Variants in DST observed in about 807,000 individuals in gnomAD.
DST encodes dystonin, also known as bullous pemphigoid antigen.
A neutral mutation model predicts 875.2 loss-of-function variants in DST; 253 were observed. The ratio of observed to expected loss-of-function variants is 0.29; its 90% CI spans 0.26 to 0.32. The LOEUF (loss-of-function observed/expected upper bound fraction) is 0.32, where lower values mean the gene tolerates loss of function less well. DST is among the 10% of genes least tolerant of loss of function. The probability of loss-of-function intolerance (pLI) is 1.00; values close to 1 mark genes in which losing one functional copy is unlikely to be tolerated. For missense variants in DST, 8,287 were observed against 9,111.6 expected, an observed-to-expected ratio of 0.91 and a Z score of 3.68; for synonymous variants, 3,124 against 3,197.1, an observed-to-expected ratio of 0.98 and a Z score of 0.77.
rs150452358 is a variant in DST at position 56,489,121 on chromosome 6, C to T, written c.20877+369G>A. ...CTATTACTTTTTACTACAGAATTAC[C>T]TTCAAGGTGCTATTTTGTCTGTCAA... On this transcript the variant is annotated intron_variant, in intron 86 of 103. Coordinates refer to ENST00000680361, the MANE Select transcript of DST (RefSeq NM_001374736.1). Among the ~76,000 whole-genome samples the T allele has an allele frequency of 6.6e-3, 1,008 of 152,272 alleles. 7 individuals are homozygous for T. Among genetic ancestry groups the T allele is most frequent in the African/African-American group, 0.023 (973 of 41,564 alleles).
intron 10 of DST, among the ~76,000 whole-genome samples, chr6:56,668,746 C>T (rs2099084677): frequency 6.6e-6 from 1 of 151,268 alleles, no homozygotes; most frequent in Admixed American, 6.6e-5. Context: ...CTAGCCGGGG[C>T]AACAAGAACA....
chr6:56,847,107 CA>C (rs778406112), intron 4 of DST, among the ~76,000 whole-genome samples: 62 of 152,058 alleles, frequency 4.1e-4, no homozygotes, highest in Non-Finnish European at 7.5e-4. Flanking sequence ...CACTTGAGCC[CA>C]GGAGTTCGAG....
chr6:56,661,354 G>A (rs1363381620), intron 10 of DST, among the ~76,000 whole-genome samples: 1 of 152,180 alleles, frequency 6.6e-6, no homozygotes, highest in Non-Finnish European at 1.5e-5. Flanking sequence ...CTTCATGTGA[G>A]AGAAAGGTAA....
chr6:56,875,277 C>G (rs928927939), intron 3 of DST, among the ~76,000 whole-genome samples: 2 of 152,160 alleles, frequency 1.3e-5, no homozygotes, highest in African/African-American at 4.8e-5. Context: ...AGCCACCATG[C>G]CCCGCCTGCC....
At position 56,704,244 on chromosome 6, in the gene DST, C is replaced by T. The variant is rs184921512; in HGVS notation, c.777+36G>A. The T allele has an allele frequency of 6.1e-5, 68 of 1,110,868 alleles. No homozygotes were observed. The Admixed American group carries it at 1.5e-3, about 24-fold the overall frequency. 68.8% of individuals were successfully genotyped at this position (1,110,868 alleles called of 1,614,324 possible). A position where few individuals can be genotyped will look rare whatever the true frequency, so the allele number is the denominator to read the frequency against. ...CTGGTCCTATGCAGAAAAGATTACACGTTCTTCAAAATAAAATAAGAAAGT... is the reference window on the plus strand; with the variant it reads ...CTGGTCCTATGCAGAAAAGATTACATGTTCTTCAAAATAAAATAAGAAAGT... On this transcript the variant is annotated intron_variant, in intron 6 of 103. Coordinates refer to ENST00000680361, the MANE Select transcript of DST (RefSeq NM_001374736.1).
chr6:56,920,012 T>C (rs1173692903), intron 2 of DST, among the ~76,000 whole-genome samples: 1 of 152,184 alleles, frequency 6.6e-6, no homozygotes, highest in Non-Finnish European at 1.5e-5. Context: ...TCAATCAATG[T>C]GGTTATTTTT....
At chr6:56,802,240 T>C (rs991951052) in intron 4 of DST, among the ~76,000 whole-genome samples, 1 of 152,166 alleles carries the variant, frequency 6.6e-6, no homozygotes, top group African/African-American at 2.4e-5. Flanking sequence ...TTTATAATTC[T>C]ATAAACAATC....
intron 4 of DST, among the ~76,000 whole-genome samples, chr6:56,797,113 T>A (rs2099740778): frequency 6.6e-6 from 1 of 152,202 alleles, no homozygotes; most frequent in South Asian, 2.1e-4. Context: ...ATATTCAAAC[T>A]TTTTCATTAT....
chr6:56,751,513 GTACAA>G (rs1172816451), intron 4 of DST, among the ~76,000 whole-genome samples: 15 of 152,030 alleles, frequency 9.9e-5, no homozygotes, highest in African/African-American at 3.4e-4. Flanking sequence ...CTCTCAATTT[GTACAA>G]TACTTTTTAA....
Position 56,529,560 on chromosome 6 carries a change from T to G in DST, c.17483A>C (p.Glu5828Ala). 1 of 1,613,742 alleles carries G rather than the reference T, an allele frequency of 6.2e-7. No homozygotes were observed. Among genetic ancestry groups the G allele is most frequent in the South Asian group, 1.1e-5 (1 of 91,054 alleles). The change falls in exon 66 of 104, where the codon GAA becomes GCA. Residue 5828 changes from glutamate (E) to alanine (A), a missense_variant. Transcript: ENST00000680361. ...CCAGTTCATCAGTTCAACTTCATCT[T>G]CCCCAAAAATCTTAGCATTACATAA... ...QALCNAKIFGEDEVELMNWLN... is the reference protein window; with the variant it reads ...QALCNAKIFGADEVELMNWLN...
chr6:56,795,840 A>C (rs1444554258), intron 4 of DST, among the ~76,000 whole-genome samples: 6 of 152,230 alleles, frequency 3.9e-5, no homozygotes, highest in African/African-American at 7.2e-5. Context: ...CAAAATTCTA[A>C]AGGAAAAATT....
intron 4 of DST, among the ~76,000 whole-genome samples, chr6:56,826,168 A>G (rs935428447): frequency 1.3e-5 from 2 of 152,226 alleles, no homozygotes; most frequent in Non-Finnish European, 2.9e-5. Flanking sequence ...CAAATCAGAC[A>G]CTGAAAATAA....
intron 4 of DST, chr6:56,843,696 G>A (rs1475366867): frequency 1.4e-5 from 14 of 971,638 alleles, no homozygotes; most frequent in African/African-American, 3.6e-5. Flanking sequence ...GCCGGGGAGA[G>A]AGGGAGGGAG....
intron 3 of DST, among the ~76,000 whole-genome samples, chr6:56,868,910 CTG>C (rs1238304531): frequency 3.9e-5 from 6 of 152,164 alleles, no homozygotes; most frequent in Admixed American, 3.9e-4. Flanking sequence ...ATTCTACCCT[CTG>C]TGGGAAATGA....
intron 36 of DST, chr6:56,615,683 T>C: frequency 3.1e-6 from 5 of 1,614,160 alleles, no homozygotes; most frequent in Non-Finnish European, 4.2e-6. Flanking sequence ...TGACTTTTGA[T>C]CTTTGAGTTT....
chr6:56,752,967 T>G (rs1316797384), intron 4 of DST, among the ~76,000 whole-genome samples: 1 of 152,016 alleles, frequency 6.6e-6, no homozygotes, highest in East Asian at 1.9e-4. Context: ...AATTTTGTAT[T>G]TTTAGTAGAG....
chr6:56,567,269 T>C (rs953688305), intron 55 of DST, among the ~76,000 whole-genome samples: 4 of 151,878 alleles, frequency 2.6e-5, no homozygotes, highest in Non-Finnish European at 5.9e-5. Flanking sequence ...ATTTCTCAGA[T>C]CAAAAACATA....
chr6:56,583,959 T>C (rs1585611769), intron 49 of DST, among the ~76,000 whole-genome samples: 1 of 152,228 alleles, frequency 6.6e-6, no homozygotes, highest in African/African-American at 2.4e-5. Context: ...TATATCTCTG[T>C]TTTGGTACCA....
intron 103 of DST, among the ~76,000 whole-genome samples, chr6:56,459,483 C>T (rs2094209704): frequency 6.6e-6 from 1 of 152,188 alleles, no homozygotes; most frequent in African/African-American, 2.4e-5. Context: ...TTTCCAACTA[C>T]AAGGTAAGTT....
Sources: gnomAD v4.1 joint callset for allele counts (sites outside exome capture counted in the v4.1 genomes callset) on GRCh38, gnomAD v4.1.1 for gene constraint, MANE v1.5 for transcripts, NCBI Gene and HGNC (gene_info 2026-07-23, HGNC 2026-07-21) for gene names.